Variants in MCM8 observed in about 807,000 individuals in gnomAD.
The protein encoded by MCM8 is DNA helicase MCM8.
A neutral mutation model predicts 98.9 loss-of-function variants in MCM8; 85 were observed. That is an observed-to-expected ratio of 0.86 (90% CI 0.72 to 1.03). The LOEUF (loss-of-function observed/expected upper bound fraction) is 1.03. Among genes scored for constraint, MCM8 ranks in the 50% least tolerant of loss-of-function variants. MCM8 has a pLI of 0.00. For missense variants in MCM8, 951 were observed against 997.8 expected (o/e 0.95, Z 0.63); for synonymous variants, 352 against 338.6 (o/e 1.04, Z -0.44).
chr20:5,956,307 G>T (rs905086845), intron 5 of MCM8, among the ~76,000 whole-genome samples: 3 of 152,164 alleles, frequency 2.0e-5, no homozygotes, highest in Admixed American at 2.0e-4. Context: ...ATGGTATTTT[G>T]TCTGTACATC....
intron 17 of MCM8, among the ~76,000 whole-genome samples, chr20:5,989,117 A>G (rs2089792424): frequency 1.0e-5 from 1 of 98,348 alleles, no homozygotes; most frequent in Admixed American, 9.1e-5. Flanking sequence ...CAATAGCGCA[A>G]GTCTTTTTTT....
Position 5,962,575 on chromosome 20 carries a change from C to T in MCM8, c.790-699C>T, listed in dbSNP as rs2089175856. On this transcript the variant is annotated intron_variant, in intron 7 of 18. Transcript: ENST00000610722. ...ATTTTTAGTAGAGACGGGGTTTCAC[C>T]TTGTTAGCCAGGATGGTCTCGATCT... 2.8e-5 allele frequency among the ~76,000 whole-genome samples: 2 copies of T among 71,522 alleles called. 1 individual carries two copies. The allele number at this position is 71,522 out of a possible 152,430, so 46.9% of individuals were successfully genotyped here. A position where few individuals can be genotyped will look rare whatever the true frequency, so the allele number is the denominator to read the frequency against.
chr20:5,957,291 G>A, intron 6 of MCM8, 62 bp downstream of exon 6: 1 of 1,217,826 alleles, frequency 8.2e-7, no homozygotes, highest in Non-Finnish European at 1.2e-6. Flanking sequence ...ATTTAAGAAT[G>A]AAAACGCTCA....
At chr20:5,953,027 G>T (rs2088874167) in intron 3 of MCM8, among the ~76,000 whole-genome samples, 1 of 152,214 alleles carries the variant, frequency 6.6e-6, no homozygotes, top group Non-Finnish European at 1.5e-5. Flanking sequence ...AATGAAGCTG[G>T]TTGCCACTGG....
chr20:5,971,221 G>A (rs1408051813), intron 10 of MCM8, among the ~76,000 whole-genome samples: 1 of 152,176 alleles, frequency 6.6e-6, no homozygotes, highest in African/African-American at 2.4e-5. Context: ...GGAAGTGGGG[G>A]TCAGACATGC....
Position 5,983,844 on chromosome 20 carries a change from A to G in MCM8, c.1733+679A>G, listed in dbSNP as rs188022458. 5.7e-4 allele frequency among the ~76,000 whole-genome samples: 87 copies of G among 152,382 alleles called. No homozygotes were observed. In the East Asian group the frequency reaches 0.016, roughly 27 times the overall value. ...AGGACTACTGTTCACAGAAATAGTCATACAAGTGCACAACGATAGGTTTAT... is the reference window on the plus strand; with the variant it reads ...AGGACTACTGTTCACAGAAATAGTCGTACAAGTGCACAACGATAGGTTTAT... On this transcript the variant is annotated intron_variant, in intron 14 of 18. Transcript: ENST00000610722.
At chr20:5,987,818 C>T (rs2089763715) in intron 17 of MCM8, among the ~76,000 whole-genome samples, 1 of 151,996 alleles carries the variant, frequency 6.6e-6, no homozygotes, top group South Asian at 2.1e-4. Flanking sequence ...ATTTTCCATT[C>T]TTGTGCTTTT....
intron 7 of MCM8, among the ~76,000 whole-genome samples, chr20:5,961,683 A>G (rs2089146667): frequency 6.6e-6 from 1 of 152,214 alleles, no homozygotes; most frequent in Non-Finnish European, 1.5e-5. Context: ...TCTGTCACCC[A>G]GGCTGGAGTG....
chr20:5,994,734 T>TAAAAAA lies in MCM8; in HGVS notation c.*356_*361dup. On this transcript the variant is annotated 3_prime_UTR_variant, in exon 19 of 19. Coordinates refer to ENST00000610722, the MANE Select transcript of MCM8 (RefSeq NM_032485.6). ...GGCAACATAGCAAGACCCCATTTCT[T>TAAAAAA]AAAAAAAAAAAAAAAAAATTTAAAC... The TAAAAAA allele has an allele frequency of 2.4e-6, 1 of 409,004 alleles. No homozygotes were observed. The highest frequency in any genetic ancestry group is 4.8e-6 in the Non-Finnish European group (1 of 208,014). The allele number at this position is 409,004 out of a possible 1,614,324, so 25.3% of individuals were successfully genotyped here.
rs1379524933 is a variant in MCM8, at chr20:5,994,913, A to G, written c.*522A>G. The G allele has an allele frequency of 5.9e-6, 1 of 169,302 alleles. No homozygotes were observed. Among genetic ancestry groups the G allele is most frequent in the Non-Finnish European group, 1.3e-5 (1 of 77,394 alleles). The allele number at this position is 169,302 out of a possible 1,614,324, so 10.5% of individuals were successfully genotyped here. A position where few individuals can be genotyped will look rare whatever the true frequency, so the allele number is the denominator to read the frequency against. ...GGGCAATAAAGTAACTCTTGACTCA[A>G]AAAAATAAAAAAAATTGTAGTGGTA... On this transcript the variant is annotated 3_prime_UTR_variant, in exon 19 of 19. Transcript: ENST00000610722.
intron 14 of MCM8, among the ~76,000 whole-genome samples, chr20:5,983,594 G>A (rs537100405): frequency 6.6e-6 from 1 of 152,274 alleles, no homozygotes; most frequent in African/African-American, 2.4e-5. Context: ...CAGCTACTTG[G>A]GAGGCTGAGG....
At chr20:5,954,258 T>G (rs2088912463) in intron 3 of MCM8, among the ~76,000 whole-genome samples, 1 of 152,226 alleles carries the variant, frequency 6.6e-6, no homozygotes, top group African/African-American at 2.4e-5. Context: ...GAGTAAGAGC[T>G]TAGTTTATGT....
At chr20:5,973,333 G>A in intron 12 of MCM8, 137 bp downstream of exon 12, 4 of 1,072,552 alleles carry the variant, frequency 3.7e-6, no homozygotes, top group South Asian at 3.2e-5. Flanking sequence ...TGGAATTTGT[G>A]TGAGTAATAT....
At chr20:5,985,811 G>T in intron 15 of MCM8, 111 bp from the exon 16 acceptor site, 1 of 1,042,278 alleles carries the variant, frequency 9.6e-7, no homozygotes. Flanking sequence ...CTCCCAAAGC[G>T]CAGGGATTAC....
intron 3 of MCM8, among the ~76,000 whole-genome samples, chr20:5,953,438 GGTGTGTGTGTGTGTGTGTGT>G (rs11470045): frequency 6.8e-6 from 1 of 146,190 alleles, no homozygotes; most frequent in Non-Finnish European, 1.5e-5. Flanking sequence ...TCTCATGAGG[GGTGTGTGTGTGTGTGTGTGT>G]GTGTGTGTGT....
rs2122871935 is a variant in MCM8 at position 5,998,107 on chromosome 20, CAA to C, written c.*3717_*3718del. On this transcript the variant is annotated 3_prime_UTR_variant, in exon 19 of 19. Coordinates refer to ENST00000610722, the MANE Select transcript of MCM8 (RefSeq NM_032485.6). ...TGTTGTTATACAGAAGAATATTAAA[CAA>C]TATTCATATATTGTTTATGAATGCA... The C allele has an allele frequency of 6.6e-6, 1 of 152,148 alleles. No individual in the cohort carries two copies. Among genetic ancestry groups the C allele is most frequent in the African/African-American group, 2.4e-5 (1 of 41,488 alleles). The allele number at this position is 152,148 out of a possible 1,614,324, so 9.4% of individuals were successfully genotyped here.
chr20:5,972,915 CT>C, intron 11 of MCM8, 140 bp from the exon 12 acceptor site: 1 of 1,329,394 alleles, frequency 7.5e-7, no homozygotes, highest in Non-Finnish European at 1.0e-6. Flanking sequence ...TGTTTTTAGA[CT>C]TCCTTTTCTT....
At chr20:5,954,995 C>T (rs544773064) in intron 4 of MCM8, 107 bp from the exon 5 acceptor site, 1 of 753,678 alleles carries the variant, frequency 1.3e-6, no homozygotes, top group East Asian at 2.7e-5. Context: ...TTACCATTAT[C>T]ACATATAAAC....
intron 5 of MCM8, among the ~76,000 whole-genome samples, chr20:5,956,362 TTTGCCTCTTAGG>T (rs1430063615): frequency 6.6e-6 from 1 of 152,222 alleles, no homozygotes; most frequent in African/African-American, 2.4e-5. Context: ...TGCATCTTAT[TTTGCCTCTTAGG>T]TTGCCAGCAA....
Sources: gnomAD v4.1 joint callset for allele counts (sites outside exome capture counted in the v4.1 genomes callset) on GRCh38, gnomAD v4.1.1 for gene constraint, MANE v1.5 for transcripts, NCBI Gene and HGNC (gene_info 2026-07-23, HGNC 2026-07-21) for gene names.